SLC38A12: variants seen among roughly 807,000 people sequenced by gnomAD.
SLC38A12 encodes the protein putative sodium-coupled neutral amino acid transporter 12.
chr17:74,782,560 A>G, the SLC38A12 span, among the ~76,000 whole-genome samples: 1 of 152,194 alleles, frequency 6.6e-6, no homozygotes. Flanking sequence ...ACCCTTGTAC[A>G]CATGAGCATG....
the SLC38A12 span, chr17:74,837,608 C>G: frequency 2.0e-6 from 2 of 985,498 alleles, no homozygotes; most frequent in Non-Finnish European, 2.4e-6. Flanking sequence ...TGCTCCCACT[C>G]CAACACTAAA....
At chr17:74,800,814 C>T in the SLC38A12 span, among the ~76,000 whole-genome samples, 1 of 152,190 alleles carries the variant, frequency 6.6e-6, no homozygotes, top group African/African-American at 2.4e-5. Context: ...TGCAGTCAAA[C>T]AGGAAAGGTG....
At chr17:74,812,735 G>A in the SLC38A12 span, among the ~76,000 whole-genome samples, 173 of 152,298 alleles carry the variant, frequency 1.1e-3, 1 homozygote, top group African/African-American at 3.4e-3. Context: ...GTCTCTGTGC[G>A]TTTAAGGTAG....
At chr17:74,838,341 A>AGG in the SLC38A12 span, 1 of 990,814 alleles carries the variant, frequency 1.0e-6, no homozygotes, top group Non-Finnish European at 1.2e-6. Flanking sequence ...TGCAGTGGTC[A>AGG]GGCCAAGAGC....
the SLC38A12 span, chr17:74,777,636 C>T: frequency 2.7e-5 from 39 of 1,433,116 alleles, no homozygotes; most frequent in Middle Eastern, 7.3e-4. Flanking sequence ...ATGTTAATCC[C>T]GGGCTGGGCA....
the SLC38A12 span, among the ~76,000 whole-genome samples, chr17:74,796,766 A>C: frequency 6.6e-6 from 1 of 152,208 alleles, no homozygotes; most frequent in African/African-American, 2.4e-5. Flanking sequence ...TAGCGGGTTA[A>C]TTGTCTGGCA....
chr17:74,821,396 G>A, the SLC38A12 span, among the ~76,000 whole-genome samples: 10 of 152,294 alleles, frequency 6.6e-5, no homozygotes, highest in Middle Eastern at 3.4e-3. Flanking sequence ...AGTGAGTGCC[G>A]TTCCCAAATT....
chr17:74,786,556 G>T, the SLC38A12 span, among the ~76,000 whole-genome samples: 19 of 152,206 alleles, frequency 1.2e-4, no homozygotes, highest in Non-Finnish European at 2.2e-4. Context: ...AAAGAGGAAG[G>T]CGTAACAGGG....
the SLC38A12 span, chr17:74,837,802 T>A: frequency 1.0e-6 from 1 of 985,938 alleles, no homozygotes; most frequent in South Asian, 4.7e-5. Context: ...GTGACTCGAA[T>A]GAACTCTGCA....
the SLC38A12 span, among the ~76,000 whole-genome samples, chr17:74,817,806 C>G: frequency 6.6e-6 from 1 of 152,102 alleles, no homozygotes; most frequent in Non-Finnish European, 1.5e-5. Context: ...TTCTAAAAAC[C>G]AGTCTTTAGG....
At chr17:74,799,045 G>C in the SLC38A12 span, among the ~76,000 whole-genome samples, 1 of 152,202 alleles carries the variant, frequency 6.6e-6, no homozygotes, top group Non-Finnish European at 1.5e-5. Flanking sequence ...CTGGGATCAA[G>C]GGCACTGCCC....
chr17:74,814,368 G>A, the SLC38A12 span, among the ~76,000 whole-genome samples: 906 of 152,162 alleles, frequency 6.0e-3, 10 homozygotes, highest in Admixed American at 9.9e-3. Context: ...CCCCCTTCCT[G>A]TGGGGATCTT....
chr17:74,824,370 G>A, the SLC38A12 span, among the ~76,000 whole-genome samples: 1 of 152,202 alleles, frequency 6.6e-6, no homozygotes, highest in Non-Finnish European at 1.5e-5. Flanking sequence ...CAGCACAGAG[G>A]ATGTTCTTTG....
chr17:74,825,144 C>A, the SLC38A12 span, among the ~76,000 whole-genome samples: 1 of 152,158 alleles, frequency 6.6e-6, no homozygotes, highest in Non-Finnish European at 1.5e-5. Flanking sequence ...CCCAAAATGC[C>A]CCCTGTGCCT....
chr17:74,791,153 TG>T, the SLC38A12 span: 6 of 853,392 alleles, frequency 7.0e-6, no homozygotes, highest in South Asian at 1.6e-5. Flanking sequence ...GCAGAGCAGG[TG>T]GTAGAGCTGC....
At chr17:74,819,916 G>T in the SLC38A12 span, 4 of 1,365,512 alleles carry the variant, frequency 2.9e-6, no homozygotes, top group Non-Finnish European at 4.2e-6. Context: ...ATGAGAGGCC[G>T]TGCAGGGCCC....
At chr17:74,789,696 T>G in the SLC38A12 span, among the ~76,000 whole-genome samples, 6 of 151,608 alleles carry the variant, frequency 4.0e-5, no homozygotes, top group African/African-American at 1.5e-4. Context: ...AAATACAAAA[T>G]TAGCCGGCCG....
the SLC38A12 span, among the ~76,000 whole-genome samples, chr17:74,805,144 A>G: frequency 1.9e-4 from 29 of 152,364 alleles, no homozygotes; most frequent in South Asian, 5.4e-3. The surrounding 1 kb of genome is among the most constrained non-coding windows in gnomAD (Gnocchi z 5.0). Context: ...CTGTCGAGGT[A>G]GTAAAAGGTC....
chr17:74,815,844 G>A, the SLC38A12 span, among the ~76,000 whole-genome samples: 1 of 152,208 alleles, frequency 6.6e-6, no homozygotes, highest in African/African-American at 2.4e-5. Flanking sequence ...GAGGAAAGTG[G>A]AGGCTCCAGT....
Sources: gnomAD v4.1 joint callset for allele counts (sites outside exome capture counted in the v4.1 genomes callset) on GRCh38, gnomAD v4.1.1 for gene constraint, Gnocchi (gnomAD v3.1) non-coding constraint, MANE v1.5 for transcripts, NCBI Gene and HGNC (gene_info 2026-07-23, HGNC 2026-07-21) for gene names.